OVCH1: variants seen among roughly 807,000 people sequenced by gnomAD.
OVCH1 encodes ovochymase 1.
In OVCH1, 139 loss-of-function variants were observed where a neutral mutation model predicts 138.4. The ratio of observed to expected loss-of-function variants is 1.00; its 90% CI spans 0.87 to 1.16. The LOEUF (loss-of-function observed/expected upper bound fraction) is 1.16, where lower values mean the gene tolerates loss of function less well. Among genes scored for constraint, OVCH1 ranks in the 50% most tolerant of loss-of-function variants. The probability of loss-of-function intolerance (pLI) is 0.00; values close to 1 mark genes in which losing one functional copy is unlikely to be tolerated. For synonymous variants in OVCH1, 453 were observed against 467.8 expected, an observed-to-expected ratio of 0.97 and a Z score of 0.41; for missense variants, 1,367 against 1,357.9, an observed-to-expected ratio of 1.01 and a Z score of -0.11.
Position 29,486,431 on chromosome 12 carries a change from A to C in OVCH1, c.893-83T>G, listed in dbSNP as rs969548657. On this transcript the variant is annotated intron_variant, in intron 7 of 27. Transcript: ENST00000318184. Reference sequence around the variant, plus strand: ...TTTTTAACAATGTGAAGTTAAAAGAATATGAAGAATTATAACTTCTACTAA... The same window carrying C: ...TTTTTAACAATGTGAAGTTAAAAGACTATGAAGAATTATAACTTCTACTAA... The C allele has an allele frequency of 2.7e-6, 3 of 1,099,060 alleles. No individual in the cohort carries two copies. In the East Asian group the frequency reaches 7.8e-5, roughly 28 times the overall value. 68.1% of individuals were successfully genotyped at this position (1,099,060 alleles called of 1,614,324 possible).
chr12:29,471,907 T>C, exon 16 of OVCH1: 1 of 1,613,426 alleles, frequency 6.2e-7, no homozygotes, highest in South Asian at 1.1e-5. Flanking sequence ...TGGCCAACAG[T>C]GGGGGCAGGC....
chr12:29,465,041 G>T, intron 17 of OVCH1, 106 bp downstream of exon 17: 1 of 938,750 alleles, frequency 1.1e-6, no homozygotes. Context: ...GTGTGAAAGG[G>T]CCCTAGGAGA....
At chr12:29,490,094 C>T (rs1943233910) in intron 5 of OVCH1, among the ~76,000 whole-genome samples, 1 of 152,000 alleles carries the variant, frequency 6.6e-6, no homozygotes, top group East Asian at 1.9e-4. Flanking sequence ...GACAAGGTGT[C>T]CCTCTGTCAC....
intron 14 of OVCH1, 30 bp from the exon 15 acceptor site, chr12:29,473,133 T>A: frequency 6.6e-7 from 1 of 1,504,648 alleles, no homozygotes; most frequent in Non-Finnish European, 9.1e-7. Flanking sequence ...TAATTGAAAG[T>A]AATTAGAGAA....
chr12:29,435,650 G>A (rs192868939), intron 26 of OVCH1, among the ~76,000 whole-genome samples: 19 of 152,198 alleles, frequency 1.2e-4, no homozygotes, highest in African/African-American at 4.3e-4. Context: ...TACCGCACCC[G>A]GAGGCCCCGT....
chr12:29,477,109 A>T, exon 12 of OVCH1: 3 of 1,606,712 alleles, frequency 1.9e-6, no homozygotes, highest in Non-Finnish European at 2.6e-6. Context: ...TACCTTTATA[A>T]TGTGCTTCTC....
At chr12:29,464,421 A>T (rs1185815047) in intron 18 of OVCH1, 86 bp downstream of exon 18, 2 of 1,366,922 alleles carry the variant, frequency 1.5e-6, no homozygotes, top group Non-Finnish European at 2.0e-6. Context: ...GAGGGGCTGA[A>T]GCGGATGCTG....
intron 27 of OVCH1, chr12:29,433,693 C>A: frequency 7.3e-7 from 1 of 1,379,286 alleles, no homozygotes; most frequent in Non-Finnish European, 9.6e-7. Flanking sequence ...CTGAATAATT[C>A]TCGGTTTAAA....
intron 12 of OVCH1, 85 bp downstream of exon 12, chr12:29,477,017 A>G: frequency 1.5e-5 from 21 of 1,384,006 alleles, no homozygotes; most frequent in Non-Finnish European, 1.9e-5. Context: ...TCATAATGGC[A>G]ATTTAACAAT....
At chr12:29,411,955 C>T (rs1940964423), downstream of OVCH1, among the ~76,000 whole-genome samples, 3 of 141,126 alleles carry the variant, frequency 2.1e-5, no homozygotes, top group Admixed American at 2.3e-4. Flanking sequence ...GTGTTGGGCT[C>T]CACCCAGTTC....
At chr12:29,427,864 A>T (rs1355791736) in intron 27 of OVCH1, among the ~76,000 whole-genome samples, 2 of 152,218 alleles carry the variant, frequency 1.3e-5, no homozygotes, top group Non-Finnish European at 2.9e-5. Context: ...ACTGTTATAT[A>T]GAATTACACA....
At chr12:29,455,381 A>T (rs1249973988) in exon 20 of OVCH1, 1 of 1,611,670 alleles carries the variant, frequency 6.2e-7, no homozygotes, top group East Asian at 2.2e-5. Flanking sequence ...TCATGTCTAC[A>T]TACTAGTGGC....
chr12:29,440,294 T>C (rs1416044500), intron 25 of OVCH1, among the ~76,000 whole-genome samples: 1 of 152,224 alleles, frequency 6.6e-6, no homozygotes, highest in African/African-American at 2.4e-5. Flanking sequence ...GTAGGTTTTA[T>C]GAATTAATTC....
At chr12:29,472,231 G>T (rs1942537833) in intron 15 of OVCH1, among the ~76,000 whole-genome samples, 1 of 152,140 alleles carries the variant, frequency 6.6e-6, no homozygotes, top group Non-Finnish European at 1.5e-5. Context: ...TTTATTTAGT[G>T]CTTGCCATTT....
At chr12:29,466,352 TAATA>T (rs1942320877) in intron 16 of OVCH1, among the ~76,000 whole-genome samples, 1 of 151,764 alleles carries the variant, frequency 6.6e-6, no homozygotes, top group Non-Finnish European at 1.5e-5. Flanking sequence ...GTTTAATAAA[TAATA>T]AAAATCTTTG....
At chr12:29,430,144 A>T (rs1362508193) in intron 27 of OVCH1, among the ~76,000 whole-genome samples, 1 of 152,254 alleles carries the variant, frequency 6.6e-6, no homozygotes. Flanking sequence ...TTGACACTTG[A>T]TATTCAAGAG....
At chr12:29,447,743 T>A (rs753085609) in intron 22 of OVCH1, among the ~76,000 whole-genome samples, 18 of 151,464 alleles carry the variant, frequency 1.2e-4, no homozygotes, top group South Asian at 1.0e-3. Flanking sequence ...CATAGAGAGA[T>A]CAAAGCTACT....
At chr12:29,463,744 G>A (rs1020681782) in intron 18 of OVCH1, among the ~76,000 whole-genome samples, 18 of 152,126 alleles carry the variant, frequency 1.2e-4, no homozygotes, top group East Asian at 1.9e-4. Context: ...AGATTTTTAC[G>A]AAAGTGCAAT....
Position 29,477,186 on chromosome 12 carries a change from A to AT in OVCH1, c.1292dup (p.Asn431LysfsTer8). On this transcript the variant is annotated frameshift_variant, in exon 12 of 28. Coordinates refer to ENST00000318184, the Ensembl canonical transcript of OVCH1. LOFTEE classifies it high-confidence loss of function. ...ACAAATCAGGATACTTGGCAGAGTG[A>AT]TTTGTCCCTTCTTCTACCAATATAG... 3 of 1,613,810 alleles carry AT rather than the reference A, an allele frequency of 1.9e-6. No homozygotes were observed. The Admixed American group carries it at 5.0e-5, about 27-fold the overall frequency.
Sources: gnomAD v4.1 joint callset for allele counts (sites outside exome capture counted in the v4.1 genomes callset) on GRCh38, gnomAD v4.1.1 for gene constraint, MANE v1.5 for transcripts, NCBI Gene and HGNC (gene_info 2026-07-23, HGNC 2026-07-21) for gene names.